The following TBCD variants were observed in gnomAD, a reference collection of about 807,000 sequenced individuals.
The protein encoded by TBCD is tubulin-specific chaperone D.
In TBCD, 105 loss-of-function variants were observed where a neutral mutation model predicts 169.3. The observed-to-expected ratio is 0.62, with a 90% CI of 0.53 to 0.73. The LOEUF is 0.73. TBCD is among the 30% of genes least tolerant of loss of function. TBCD has a pLI of 0.00. For synonymous variants in TBCD, 700 were observed against 643.9 expected (o/e 1.09, Z -1.32); for missense variants, 1,444 against 1,600.1 (o/e 0.90, Z 1.66).
chr17:82,753,891 G>A (rs1312194996), intron 1 of TBCD, among the ~76,000 whole-genome samples: 6 of 147,048 alleles, frequency 4.1e-5, no homozygotes, highest in Admixed American at 2.7e-4. Context: ...TTTTTGAGGC[G>A]GAGTCTCACT....
intron 14 of TBCD, among the ~76,000 whole-genome samples, chr17:82,876,353 G>A (rs1252907394): frequency 1.3e-5 from 2 of 152,188 alleles, no homozygotes; most frequent in East Asian, 3.9e-4. Context: ...CAGACAGGCC[G>A]GCCCTTCTCG....
At chr17:82,894,686 T>G (rs1004118502) in intron 17 of TBCD, among the ~76,000 whole-genome samples, 1 of 152,218 alleles carries the variant, frequency 6.6e-6, no homozygotes, top group Non-Finnish European at 1.5e-5. Context: ...GCCATATATT[T>G]TATGTGGAAA....
rs1181006270 is a variant in TBCD at position 82,942,485 on chromosome 17, C to T, written c.*22C>T. 1.9e-6 allele frequency: 3 copies of T among 1,613,972 alleles called. No homozygotes were observed. ...CTGAAGCCAGTCCTGGAGCCCATAC[C>T]TCACCCCTGCCTGGTGAGGATGTCT... On this transcript the variant is annotated 3_prime_UTR_variant, in exon 39 of 39. Transcript: ENST00000355528.
intron 13 of TBCD, among the ~76,000 whole-genome samples, chr17:82,820,524 A>C (rs112286457): frequency 0.019 from 2,847 of 152,056 alleles, 40 homozygotes; most frequent in Middle Eastern, 0.051. Flanking sequence ...AAACTCGGGT[A>C]GTTTTCAGTC....
chr17:82,867,015 C>G (rs1421201500), intron 13 of TBCD, among the ~76,000 whole-genome samples: 2 of 152,222 alleles, frequency 1.3e-5, no homozygotes, highest in Admixed American at 1.3e-4. Flanking sequence ...GACGCTGTGT[C>G]TGCACAGCTG....
intron 30 of TBCD, 121 bp downstream of exon 30, chr17:82,928,109 C>A: frequency 1.2e-6 from 1 of 847,704 alleles, no homozygotes; most frequent in Non-Finnish European, 1.9e-6. Context: ...CACCCTCCTC[C>A]CAGAGAGCCT....
intron 17 of TBCD, among the ~76,000 whole-genome samples, chr17:82,895,156 T>C (rs920856386): frequency 3.9e-5 from 6 of 152,252 alleles, no homozygotes; most frequent in Non-Finnish European, 2.9e-5. Context: ...GGTCCAGGCA[T>C]GTCTTCCCCC....
In TBCD at chr17:82,832,208, C is replaced by T. The variant is rs764268629; in HGVS notation, c.1318+17274C>T. 2 of 1,614,186 alleles carry T rather than the reference C, an allele frequency of 1.2e-6. No individual in the cohort carries two copies. The highest frequency in any genetic ancestry group is 2.2e-5 in the East Asian group (1 of 44,870). On this transcript the variant is annotated intron_variant, in intron 13 of 38. Transcript: ENST00000355528. The surrounding 1 kb of genome is among the most constrained non-coding windows in gnomAD (Gnocchi z 4.9). ...ACAGACTTGGAAGAGGCTGGCTTCG[C>T]CGTGGCATCGGGCTGGTTGGTTTGC... is the stretch of plus-strand genomic sequence containing the variant.
At chr17:82,792,339 A>C (rs903399023) in intron 7 of TBCD, among the ~76,000 whole-genome samples, 8 of 147,742 alleles carry the variant, frequency 5.4e-5, no homozygotes, top group Non-Finnish European at 1.0e-4. Context: ...ATGTATATAC[A>C]CACGTGTATA....
chr17:82,940,238 C>CACACACACACACAT (rs1254082833), intron 37 of TBCD, among the ~76,000 whole-genome samples: 2 of 151,962 alleles, frequency 1.3e-5, no homozygotes, highest in Non-Finnish European at 2.9e-5. Flanking sequence ...CACACACACA[C>CACACACACACACAT]ACACACACTT....
At chr17:82,909,338 CTG>C (rs1318008704) in intron 22 of TBCD, 31 bp downstream of exon 22, 3 of 1,511,082 alleles carry the variant, frequency 2.0e-6, no homozygotes, top group East Asian at 4.9e-5. Flanking sequence ...GTTCTTATAT[CTG>C]TGTCCTAATG....
chr17:82,871,413 G>C (rs908997409), intron 14 of TBCD, among the ~76,000 whole-genome samples: 1 of 152,194 alleles, frequency 6.6e-6, no homozygotes, highest in African/African-American at 2.4e-5. Context: ...GTCACTGTCC[G>C]TCATGGGTGT....
chr17:82,938,260 C>G lies in TBCD; in HGVS notation c.3369+124C>G, dbSNP rs1045176498. The G allele has an allele frequency of 2.7e-6, 3 of 1,115,222 alleles. No individual in the cohort carries two copies. In the African/African-American group the frequency reaches 4.6e-5, roughly 17 times the overall value. 69.1% of individuals were successfully genotyped at this position (1,115,222 alleles called of 1,614,324 possible). Reference sequence around the variant, plus strand: ...CAGCCGAGCCCCTCTCGTTAACGCGCCTGGGTGACGACGCGTCACAGGCAC... The same window carrying G: ...CAGCCGAGCCCCTCTCGTTAACGCGGCTGGGTGACGACGCGTCACAGGCAC... On this transcript the variant is annotated intron_variant, in intron 36 of 38. Coordinates refer to ENST00000355528, the MANE Select transcript of TBCD (RefSeq NM_005993.5).
intron 24 of TBCD, chr17:82,921,017 C>A (rs896132931): frequency 7.3e-6 from 2 of 272,570 alleles, no homozygotes; most frequent in Non-Finnish European, 1.4e-5. Flanking sequence ...AGCAGCCCCC[C>A]ACACTGGGCT....
At chr17:82,917,204 G>C (rs149799477) in intron 23 of TBCD, among the ~76,000 whole-genome samples, 1 of 151,882 alleles carries the variant, frequency 6.6e-6, no homozygotes, top group East Asian at 1.9e-4. Flanking sequence ...ATTTTTTGTA[G>C]AGATGGGGTT....
At chr17:82,838,459 G>A (rs919051065) in intron 13 of TBCD, among the ~76,000 whole-genome samples, 4 of 152,210 alleles carry the variant, frequency 2.6e-5, no homozygotes, top group Non-Finnish European at 4.4e-5. Context: ...AGATTGTGCT[G>A]TAATGTTCCT....
In TBCD at chr17:82,942,444, T is replaced by C; in HGVS notation, c.3565-5T>C. ...CAGCCTGAGCTTGTCTTGTCTCTTC[T>C]TCAGCCTGGTGCCTGCTGAAGCCAG... On this transcript the variant is annotated splice_region_variant and splice_polypyrimidine_tract_variant and intron_variant, in intron 38 of 38. Transcript: ENST00000355528. 1 of 1,613,960 alleles carries C rather than the reference T, an allele frequency of 6.2e-7. No homozygotes were observed. The highest frequency in any genetic ancestry group is 8.5e-7 in the Non-Finnish European group (1 of 1,179,874).
intron 7 of TBCD, among the ~76,000 whole-genome samples, chr17:82,794,217 G>T (rs185516001): frequency 3.3e-5 from 5 of 152,314 alleles, no homozygotes; most frequent in African/African-American, 7.2e-5. Context: ...CGAGTAGCTC[G>T]ACAGCCTGTG....
intron 13 of TBCD, among the ~76,000 whole-genome samples, chr17:82,843,619 C>G (rs2054743016): frequency 6.6e-6 from 1 of 150,646 alleles, no homozygotes; most frequent in Non-Finnish European, 1.5e-5. Flanking sequence ...TTACCCTTCC[C>G]TTCCCCTCCC....
Sources: gnomAD v4.1 joint callset for allele counts (sites outside exome capture counted in the v4.1 genomes callset) on GRCh38, gnomAD v4.1.1 for gene constraint, Gnocchi (gnomAD v3.1) non-coding constraint, MANE v1.5 for transcripts, NCBI Gene and HGNC (gene_info 2026-07-23, HGNC 2026-07-21) for gene names.